NUDCD1: variants seen among roughly 807,000 people sequenced by gnomAD.
NUDCD1 encodes the protein nudC domain-containing protein 1.
NUDCD1 carries 60 observed loss-of-function variants against 67.8 expected under a neutral mutation model. That is an observed-to-expected ratio of 0.88 (90% confidence interval 0.72 to 1.10). The LOEUF is 1.10. NUDCD1 is among the 50% of genes least tolerant of loss of function. The pLI, the probability that NUDCD1 is intolerant of heterozygous loss-of-function variation, is 0.00. For missense variants in NUDCD1, 643 were observed against 695.0 expected (o/e 0.93, Z 0.84); for synonymous variants, 244 against 230.8 (o/e 1.06, Z -0.52).
intron 8 of NUDCD1, among the ~76,000 whole-genome samples, chr8:109,257,271 T>C (rs906144084): frequency 3.9e-5 from 6 of 152,074 alleles, no homozygotes; most frequent in African/African-American, 1.4e-4. Context: ...ATAAAGTAAC[T>C]GGAAAGAGAT....
At chr8:109,316,246 G>A (rs988145538) in intron 2 of NUDCD1, 1 of 152,226 alleles carries the variant, frequency 6.6e-6, no homozygotes, top group South Asian at 2.1e-4. Flanking sequence ...TTCTTTCCGA[G>A]GGACATTTCC....
intron 2 of NUDCD1, among the ~76,000 whole-genome samples, chr8:109,320,757 G>T (rs529476416): frequency 6.6e-6 from 1 of 152,324 alleles, no homozygotes; most frequent in East Asian, 1.9e-4. Context: ...AATTACAAAA[G>T]TATTAATTTG....
chr8:109,319,818 C>CAT (rs1246606082), intron 2 of NUDCD1, among the ~76,000 whole-genome samples: 6 of 152,292 alleles, frequency 3.9e-5, no homozygotes, highest in African/African-American at 1.2e-4. Context: ...CCCCAATATT[C>CAT]ACCTAGGTTC....
intron 2 of NUDCD1, among the ~76,000 whole-genome samples, chr8:109,313,284 T>G (rs1036614861): frequency 6.6e-6 from 1 of 152,126 alleles, no homozygotes. Flanking sequence ...ATCCACCCTA[T>G]AGAATACCAA....
intron 8 of NUDCD1, among the ~76,000 whole-genome samples, chr8:109,252,738 TC>T (rs1172810498): frequency 6.6e-6 from 1 of 152,212 alleles, no homozygotes; most frequent in Admixed American, 6.5e-5. Flanking sequence ...CCCTATCTCA[TC>T]TCTTCTTGAC....
chr8:109,314,463 G>A (rs2130108908), intron 2 of NUDCD1, among the ~76,000 whole-genome samples: 1 of 152,208 alleles, frequency 6.6e-6, no homozygotes, highest in South Asian at 2.1e-4. Context: ...TTTGCCTGGA[G>A]CTCCACTGCT....
At chr8:109,306,913 C>T (rs983885231) in intron 2 of NUDCD1, among the ~76,000 whole-genome samples, 5 of 152,094 alleles carry the variant, frequency 3.3e-5, no homozygotes, top group East Asian at 1.9e-4. Context: ...TAATCCCTCT[C>T]GAAGCAGCCC....
intron 1 of NUDCD1, among the ~76,000 whole-genome samples, chr8:109,328,402 G>A (rs1003751057): frequency 4.6e-5 from 7 of 152,142 alleles, no homozygotes; most frequent in African/African-American, 1.4e-4. Flanking sequence ...CTACTACTCT[G>A]TCATTAGACA....
chr8:109,328,102 AAAC>A (rs1167347663), intron 1 of NUDCD1, among the ~76,000 whole-genome samples: 7 of 152,222 alleles, frequency 4.6e-5, no homozygotes, highest in African/African-American at 1.4e-4. Context: ...AAGTTAAATG[AAAC>A]AACAGTTTTC....
chr8:109,282,849 A>T (rs1485771683), intron 5 of NUDCD1, among the ~76,000 whole-genome samples: 1 of 152,028 alleles, frequency 6.6e-6, no homozygotes, highest in East Asian at 1.9e-4. Flanking sequence ...ATTCCAAAAA[A>T]AAAAAGAAAC....
Position 109,334,046 on chromosome 8 carries a change from C to T in NUDCD1, c.-36G>A. 1.9e-6 allele frequency: 3 copies of T among 1,613,246 alleles called. No individual in the cohort carries two copies. The highest frequency in any genetic ancestry group is 2.5e-6 in the Non-Finnish European group (3 of 1,179,504). On this transcript the variant is annotated 5_prime_UTR_variant, in exon 1 of 10. Transcript: ENST00000239690. ...GGCCGCAGCGTGAGAATTAATAAAG[C>T]CCTTGTTGAAAGGTCCGCGCTTCAC... is the stretch of plus-strand genomic sequence containing the variant.
chr8:109,285,955 A>G (rs907358180), intron 5 of NUDCD1, among the ~76,000 whole-genome samples: 3 of 152,122 alleles, frequency 2.0e-5, no homozygotes, highest in Non-Finnish European at 2.9e-5. Flanking sequence ...AAAGTTTCAG[A>G]ATACAAAATC....
intron 1 of NUDCD1, 89 bp from the exon 2 acceptor site, chr8:109,322,552 ATC>A: frequency 1.1e-6 from 1 of 918,292 alleles, no homozygotes; most frequent in Non-Finnish European, 1.7e-6. Flanking sequence ...AAAAAAAAAA[ATC>A]ACAGAATGCC....
intron 2 of NUDCD1, among the ~76,000 whole-genome samples, chr8:109,310,289 A>C (rs1045164657): frequency 6.6e-6 from 1 of 152,224 alleles, no homozygotes; most frequent in Non-Finnish European, 1.5e-5. Context: ...CCAATGGAAA[A>C]AAAAAGAGAA....
At chr8:109,253,468 C>G (rs186599235) in intron 8 of NUDCD1, among the ~76,000 whole-genome samples, 1 of 152,212 alleles carries the variant, frequency 6.6e-6, no homozygotes, top group Admixed American at 6.5e-5. Flanking sequence ...CAATGTTCCA[C>G]GTTTCCTTTA....
chr8:109,243,449 C>T (rs1813422887), intron 9 of NUDCD1, 148 bp from the exon 10 acceptor site: 1 of 556,128 alleles, frequency 1.8e-6, no homozygotes, highest in East Asian at 3.0e-5. Context: ...AATTCTGAAT[C>T]ATTAACGATT....
At chr8:109,251,177 T>C (rs929484627) in intron 8 of NUDCD1, among the ~76,000 whole-genome samples, 3 of 127,590 alleles carry the variant, frequency 2.4e-5, no homozygotes, top group Non-Finnish European at 3.5e-5. Context: ...TCTTTTTTTT[T>C]TTTTCTTTTT....
At chr8:109,251,490 A>C (rs915643215) in intron 8 of NUDCD1, among the ~76,000 whole-genome samples, 1 of 152,112 alleles carries the variant, frequency 6.6e-6, no homozygotes, top group Admixed American at 6.6e-5. Context: ...CTATTTCTTA[A>C]GTGAACTTTA....
rs540499607 is a variant in NUDCD1, at chr8:109,265,619, A to G, written c.1299+5386T>C. 2.0e-5 allele frequency among the ~76,000 whole-genome samples: 3 copies of G among 152,252 alleles called. No individual in the cohort carries two copies. The South Asian group carries it at 6.2e-4, about 32-fold the overall frequency. ...ATATTATTTCAGGTGTTTCAATTTT[A>G]TATCTTAAGCCAGTGGTCCCCAACT... On this transcript the variant is annotated intron_variant, in intron 8 of 9. Coordinates refer to ENST00000239690, the MANE Select transcript of NUDCD1 (RefSeq NM_032869.4).
Sources: allele counts gnomAD v4.1 joint callset (sites outside exome capture counted in the v4.1 genomes callset), GRCh38; gene constraint gnomAD v4.1.1; transcripts MANE v1.5; gene names NCBI Gene and HGNC (gene_info 2026-07-23, HGNC 2026-07-21).